The following XKR4 variants were observed in gnomAD, a reference collection of about 807,000 sequenced individuals.
The protein encoded by XKR4 is XK related 4, also known as XK-related protein 4.
In XKR4, 12 loss-of-function variants were observed where a neutral mutation model predicts 53.9. The ratio of observed to expected loss-of-function variants is 0.22; its 90% CI spans 0.14 to 0.36. The LOEUF (loss-of-function observed/expected upper bound fraction) is 0.36. Ranked by LOEUF, XKR4 falls within the 10% of genes least tolerant of loss-of-function variation. XKR4 has a pLI of 1.00. For synonymous variants in XKR4, 354 were observed against 362.4 expected (o/e 0.98, Z 0.26); for missense variants, 799 against 859.5 (o/e 0.93, Z 0.88).
At chr8:55,417,639 G>A (rs1405402045) in intron 2 of XKR4, among the ~76,000 whole-genome samples, 2 of 152,212 alleles carry the variant, frequency 1.3e-5, no homozygotes, top group East Asian at 3.8e-4. Flanking sequence ...AATCACAAAA[G>A]TAGAACAACA....
intron 2 of XKR4, among the ~76,000 whole-genome samples, chr8:55,482,048 A>G (rs1381774194): frequency 6.6e-6 from 1 of 152,228 alleles, no homozygotes; most frequent in Admixed American, 6.5e-5. Context: ...ATTACTGAGT[A>G]TATACCCAAA....
chr8:55,332,888 A>C (rs1412234642), intron 1 of XKR4, among the ~76,000 whole-genome samples: 1 of 150,522 alleles, frequency 6.6e-6, no homozygotes, highest in African/African-American at 2.4e-5. Flanking sequence ...ATGATGTCTC[A>C]TAAGTCCCTC....
chr8:55,353,817 C>A (rs1803760479), intron 1 of XKR4, among the ~76,000 whole-genome samples: 5 of 152,224 alleles, frequency 3.3e-5, no homozygotes. Context: ...TCATCACAAG[C>A]TGCAGCCGTG....
chr8:55,336,317 A>C (rs1379384568), intron 1 of XKR4, among the ~76,000 whole-genome samples: 1 of 152,122 alleles, frequency 6.6e-6, no homozygotes, highest in Non-Finnish European at 1.5e-5. Context: ...CCATGTAAGA[A>C]GTGCCTTTTG....
chr8:55,213,503 T>C (rs897616201), intron 1 of XKR4, among the ~76,000 whole-genome samples: 1 of 152,156 alleles, frequency 6.6e-6, no homozygotes, highest in African/African-American at 2.4e-5. Context: ...TTGGGAAAGT[T>C]TAGAATCTTG....
intron 2 of XKR4, among the ~76,000 whole-genome samples, chr8:55,512,594 T>A (rs1196333979): frequency 6.6e-6 from 1 of 152,256 alleles, no homozygotes; most frequent in Non-Finnish European, 1.5e-5. Flanking sequence ...CATACTGATT[T>A]TTCAGTTCCT....
chr8:55,197,464 A>T (rs1177333481), intron 1 of XKR4, among the ~76,000 whole-genome samples: 1 of 152,204 alleles, frequency 6.6e-6, no homozygotes, highest in African/African-American at 2.4e-5. Context: ...ACATGAATGG[A>T]TAAAATAAGC....
chr8:55,145,028 C>T (rs1563467616), intron 1 of XKR4, among the ~76,000 whole-genome samples: 1 of 151,930 alleles, frequency 6.6e-6, no homozygotes, highest in Non-Finnish European at 1.5e-5. Context: ...AACAGAGTTT[C>T]ATCATGTTGG....
At chr8:55,141,708 C>A (rs1057407537) in intron 1 of XKR4, among the ~76,000 whole-genome samples, 1 of 136,476 alleles carries the variant, frequency 7.3e-6, no homozygotes, top group Non-Finnish European at 1.6e-5. Context: ...TGTGGACTGG[C>A]GTCTTCTGGT....
intron 2 of XKR4, among the ~76,000 whole-genome samples, chr8:55,363,765 T>C (rs1318357857): frequency 6.6e-6 from 1 of 152,100 alleles, no homozygotes; most frequent in Non-Finnish European, 1.5e-5. Context: ...GGGGGAAGAG[T>C]GCAGGCGAGA....
intron 1 of XKR4, among the ~76,000 whole-genome samples, chr8:55,311,444 A>G (rs1017536414): frequency 1.3e-5 from 2 of 152,182 alleles, no homozygotes; most frequent in Admixed American, 6.5e-5. Flanking sequence ...AGAGCATGAT[A>G]CTCAAGGAAT....
intron 1 of XKR4, among the ~76,000 whole-genome samples, chr8:55,319,473 C>T (rs1803173590): frequency 6.6e-6 from 1 of 152,110 alleles, no homozygotes; most frequent in South Asian, 2.1e-4. Context: ...AAGTCATTTG[C>T]GATGTTTCTA....
chr8:55,400,884 A>T (rs1273386256), intron 2 of XKR4, among the ~76,000 whole-genome samples: 1 of 152,204 alleles, frequency 6.6e-6, no homozygotes, highest in Non-Finnish European at 1.5e-5. Flanking sequence ...AGACTACTGA[A>T]GGCCTTAGTA....
intron 1 of XKR4, among the ~76,000 whole-genome samples, chr8:55,239,916 G>A (rs1209464657): frequency 6.6e-6 from 1 of 152,110 alleles, no homozygotes; most frequent in Non-Finnish European, 1.5e-5. Flanking sequence ...ATTCACACTT[G>A]ACCTAATGGT....
intron 1 of XKR4, among the ~76,000 whole-genome samples, chr8:55,151,132 TACACACCCCAAATC>T (rs1246215499): frequency 6.6e-6 from 1 of 152,168 alleles, no homozygotes; most frequent in East Asian, 1.9e-4. Flanking sequence ...CTATAGGTAA[TACACACCCCAAATC>T]ATCTCCAGAC....
intron 2 of XKR4, chr8:55,450,847 A>G (rs1342624932): frequency 6.2e-6 from 3 of 483,682 alleles, no homozygotes; most frequent in Non-Finnish European, 1.2e-5. Context: ...GCCCATCAGC[A>G]CGGAGGAACT....
At chr8:55,471,566 G>A (rs1024434894) in intron 2 of XKR4, among the ~76,000 whole-genome samples, 1 of 152,112 alleles carries the variant, frequency 6.6e-6, no homozygotes, top group African/African-American at 2.4e-5. Flanking sequence ...TGTAAAGCAT[G>A]GTACAGAAAT....
At position 55,102,056 on chromosome 8, in the gene XKR4, G is replaced by A. The variant is rs1353664414; in HGVS notation, c.-433G>A. On this transcript the variant is annotated 5_prime_UTR_variant, in exon 1 of 3. Transcript: ENST00000327381. This position sits in a 1 kb window ranked among gnomAD's most constrained non-coding sequence, Gnocchi z 5.1. ...CTCTCCCTCGGAGTCAGCTGGTGGAGGAGAGGAAGCGGGAGGAGGGAGCGC... is the reference window on the plus strand; with the variant it reads ...CTCTCCCTCGGAGTCAGCTGGTGGAAGAGAGGAAGCGGGAGGAGGGAGCGC... Among the ~76,000 whole-genome samples, 4 of 152,108 alleles carry A rather than the reference G, an allele frequency of 2.6e-5. No individual in the cohort carries two copies. The highest frequency in any genetic ancestry group is 5.9e-5 in the Non-Finnish European group (4 of 68,000).
At chr8:55,219,746 G>A (rs1171137985) in intron 1 of XKR4, among the ~76,000 whole-genome samples, 1 of 152,114 alleles carries the variant, frequency 6.6e-6, no homozygotes, top group African/African-American at 2.4e-5. Context: ...CTATTGTATA[G>A]ATGTTTGCTT....
Sources: gnomAD v4.1 joint callset for allele counts (sites outside exome capture counted in the v4.1 genomes callset) on GRCh38, gnomAD v4.1.1 for gene constraint, Gnocchi (gnomAD v3.1) non-coding constraint, MANE v1.5 for transcripts, NCBI Gene and HGNC (gene_info 2026-07-23, HGNC 2026-07-21) for gene names.